RSRC1: variants seen among roughly 807,000 people sequenced by gnomAD.
RSRC1 encodes the protein serine/Arginine-related protein 53.
Under a neutral mutation model 49.1 loss-of-function variants are expected in RSRC1, and 39 were observed. That is an observed-to-expected ratio of 0.79 (90% CI 0.61 to 1.04). RSRC1 has a LOEUF of 1.04. RSRC1 is among the 50% of genes least tolerant of loss of function. RSRC1 has a pLI of 0.00. For missense variants in RSRC1, 388 were observed against 402.4 expected, an observed-to-expected ratio of 0.96 and a Z score of 0.31; for synonymous variants, 143 against 130.8, an observed-to-expected ratio of 1.09 and a Z score of -0.63.
At chr3:158,285,251 A>G (rs1430024420) in intron 4 of RSRC1, among the ~76,000 whole-genome samples, 2 of 152,070 alleles carry the variant, frequency 1.3e-5, no homozygotes, top group South Asian at 2.1e-4. Flanking sequence ...CCATTGATCT[A>G]TATCTCTGTT....
chr3:158,231,400 C>T (rs1056960096), intron 4 of RSRC1, among the ~76,000 whole-genome samples: 5 of 151,878 alleles, frequency 3.3e-5, no homozygotes, highest in African/African-American at 4.8e-5. Context: ...CCTCCCATAT[C>T]GCTGGGACTA....
chr3:158,335,137 T>C (rs912086112), intron 5 of RSRC1, among the ~76,000 whole-genome samples: 1 of 152,098 alleles, frequency 6.6e-6, no homozygotes, highest in Non-Finnish European at 1.5e-5. Flanking sequence ...ATGAAGAGGG[T>C]ACTCATTTTG....
intron 1 of RSRC1, among the ~76,000 whole-genome samples, chr3:158,115,436 T>C (rs1166956186): frequency 1.3e-5 from 2 of 152,114 alleles, no homozygotes; most frequent in Admixed American, 1.3e-4. Flanking sequence ...GAGCAGAGGT[T>C]CTCAAACATT....
At chr3:158,523,625 T>G (rs1454406727) in intron 7 of RSRC1, among the ~76,000 whole-genome samples, 1 of 152,054 alleles carries the variant, frequency 6.6e-6, no homozygotes, top group African/African-American at 2.4e-5. Context: ...CTTTTTTACA[T>G]TATTAACTGA....
At chr3:158,390,601 C>A (rs756506002) in intron 6 of RSRC1, among the ~76,000 whole-genome samples, 7 of 152,134 alleles carry the variant, frequency 4.6e-5, no homozygotes, top group Middle Eastern at 6.8e-3. Flanking sequence ...CATAGAATTT[C>A]TCTTATTTTA....
intron 5 of RSRC1, among the ~76,000 whole-genome samples, chr3:158,308,240 C>T (rs1049116295): frequency 1.3e-5 from 2 of 151,852 alleles, no homozygotes; most frequent in Non-Finnish European, 2.9e-5. Flanking sequence ...ATGTTGTTTC[C>T]AATTGCACCA....
rs567253550 is a variant in RSRC1, at chr3:158,299,684, T to C, written c.531+1609T>C. 2.0e-5 allele frequency among the ~76,000 whole-genome samples: 3 copies of C among 152,318 alleles called. No individual in the cohort carries two copies. In the South Asian group the frequency reaches 6.2e-4, roughly 32 times the overall value. ...ATTATTATTTATTAAAAATACTTTA[T>C]ATTTACTTTGTTTGTGTTCTTCAGT... On this transcript the variant is annotated intron_variant, in intron 5 of 9. Coordinates refer to ENST00000611884, the MANE Select transcript of RSRC1 (RefSeq NM_001271838.2).
chr3:158,170,093 A>C (rs1389270837), intron 3 of RSRC1, among the ~76,000 whole-genome samples: 1 of 152,054 alleles, frequency 6.6e-6, no homozygotes, highest in East Asian at 1.9e-4. Flanking sequence ...TACCCTGTGA[A>C]ATTTATTGGA....
chr3:158,316,097 A>C (rs1728421673), intron 5 of RSRC1, among the ~76,000 whole-genome samples: 1 of 151,820 alleles, frequency 6.6e-6, no homozygotes, highest in African/African-American at 2.4e-5. Context: ...ACTTGAACCC[A>C]GGAGGTGGAG....
At chr3:158,138,310 T>C (rs1028479006) in intron 3 of RSRC1, among the ~76,000 whole-genome samples, 2 of 152,236 alleles carry the variant, frequency 1.3e-5, no homozygotes, top group African/African-American at 2.4e-5. Context: ...AGACAGTGAC[T>C]GCACTTCTTT....
intron 7 of RSRC1, among the ~76,000 whole-genome samples, chr3:158,503,370 C>T (rs1739697848): frequency 6.6e-6 from 1 of 152,128 alleles, no homozygotes; most frequent in East Asian, 1.9e-4. Flanking sequence ...TGGCCTCCTG[C>T]TGGGAGGTGG....
At chr3:158,544,127 C>T (rs1197667179) in intron 9 of RSRC1, 56 bp from the exon 10 acceptor site, 3 of 1,232,234 alleles carry the variant, frequency 2.4e-6, no homozygotes, top group Non-Finnish European at 3.6e-6. Context: ...CATTTTAGGT[C>T]AAATTCAAGT....
At chr3:158,278,504 C>CAAATAAACTG (rs1363526409) in intron 4 of RSRC1, among the ~76,000 whole-genome samples, 2 of 152,184 alleles carry the variant, frequency 1.3e-5, no homozygotes, top group East Asian at 3.9e-4. Flanking sequence ...AGTCATTCCA[C>CAAATAAACTG]ACTCAGCACT....
chr3:158,440,760 A>G (rs1308854361), intron 6 of RSRC1, among the ~76,000 whole-genome samples: 1 of 152,072 alleles, frequency 6.6e-6, no homozygotes, highest in Admixed American at 6.6e-5. Flanking sequence ...CCTGACGAAC[A>G]TGGTGAAACC....
At chr3:158,442,868 A>T (rs529821581) in intron 6 of RSRC1, among the ~76,000 whole-genome samples, 4 of 152,136 alleles carry the variant, frequency 2.6e-5, no homozygotes, top group African/African-American at 4.8e-5. Flanking sequence ...TGGGCTGCAA[A>T]ATGAATGTTC....
intron 5 of RSRC1, among the ~76,000 whole-genome samples, chr3:158,347,805 C>T (rs1186220345): frequency 1.3e-5 from 2 of 152,202 alleles, no homozygotes; most frequent in Non-Finnish European, 2.9e-5. Context: ...CCTCCTGCCT[C>T]AGCCTCCCAA....
intron 6 of RSRC1, among the ~76,000 whole-genome samples, chr3:158,381,141 A>G (rs1203522011): frequency 6.6e-6 from 1 of 152,236 alleles, no homozygotes; most frequent in Non-Finnish European, 1.5e-5. Flanking sequence ...ATAGAAAGTT[A>G]AAATTTATCA....
chr3:158,384,497 C>T (rs1408622322), intron 6 of RSRC1, among the ~76,000 whole-genome samples: 1 of 152,040 alleles, frequency 6.6e-6, no homozygotes, highest in African/African-American at 2.4e-5. Flanking sequence ...CACTCAATGG[C>T]ATAATCAGAT....
chr3:158,358,814 C>A (rs1360579031), intron 6 of RSRC1, among the ~76,000 whole-genome samples: 1 of 151,838 alleles, frequency 6.6e-6, no homozygotes, highest in Non-Finnish European at 1.5e-5. Context: ...CTCCGTTTGT[C>A]TATTCTGGAT....
Sources: gnomAD v4.1 joint callset for allele counts (sites outside exome capture counted in the v4.1 genomes callset) on GRCh38, gnomAD v4.1.1 for gene constraint, MANE v1.5 for transcripts, NCBI Gene and HGNC (gene_info 2026-07-23, HGNC 2026-07-21) for gene names.